THBS4: variants seen among roughly 807,000 people sequenced by gnomAD.
The protein encoded by THBS4 is thrombospondin-4.
THBS4 carries 90 observed loss-of-function variants against 115.7 expected under a neutral mutation model. The ratio of observed to expected loss-of-function variants is 0.78; its 90% CI spans 0.66 to 0.93. The LOEUF is 0.93. Ranked by LOEUF, THBS4 falls within the 40% of genes least tolerant of loss-of-function variation. The pLI is 0.00. For missense variants in THBS4, 1,087 were observed against 1,232.7 expected (o/e 0.88, Z 1.77); for synonymous variants, 460 against 479.3 (o/e 0.96, Z 0.53).
chr5:80,059,478 A>G lies in THBS4; in HGVS notation c.771A>G (p.Glu257=), dbSNP rs1833550533. ...CATTTTTGCGAAACACCATAGCTGAATGCCAGGCTTGCGGTAAGTGCTTTT... is the reference window on the plus strand; with the variant it reads ...CATTTTTGCGAAACACCATAGCTGAGTGCCAGGCTTGCGGTAAGTGCTTTT... The part of the protein sequence containing the change: ...ETSFLRNTIA[E]CQACGPLKFQ... Residue 257 remains glutamate (E), a synonymous_variant, in exon 6 of 22, where the codon GAA becomes GAG. Coordinates refer to ENST00000350881, the MANE Select transcript of THBS4 (RefSeq NM_003248.6). 1.9e-6 allele frequency: 3 copies of G among 1,614,002 alleles called. No homozygotes were observed. The highest frequency in any genetic ancestry group is 1.7e-6 in the Non-Finnish European group (2 of 1,180,028).
At chr5:80,080,103 C>T (rs755462750) in intron 20 of THBS4, 26 bp downstream of exon 20, 38 of 1,605,414 alleles carry the variant, frequency 2.4e-5, no homozygotes, top group Non-Finnish European at 3.0e-5. Context: ...ATCTCCTTAC[C>T]TTGCTCTAGA....
rs1282807484 is a variant in THBS4 at position 80,076,964 on chromosome 5, G to A, written c.2002G>A (p.Asp668Asn). The change falls in exon 16 of 22, where the codon GAC becomes AAC. Residue 668 changes from aspartate (D) to asparagine (N), a missense_variant. Physicochemically the swap from Asp to Asn is conservative, Grantham distance 23 (BLOSUM62 1). Coordinates refer to ENST00000350881, the MANE Select transcript of THBS4 (RefSeq NM_003248.6). ...TGGTGACGAGTGTGATGATGATGATGACAATGATGGTATCCCAGACCTGGT... is the reference window on the plus strand; with the variant it reads ...TGGTGACGAGTGTGATGATGATGATAACAATGATGGTATCCCAGACCTGGT... ...GIGDECDDDD[D>N]NDGIPDLVPP... is the part of the protein sequence containing the mutation. The A allele has an allele frequency of 1.2e-6, 2 of 1,613,674 alleles. No individual in the cohort carries two copies. The highest frequency in any genetic ancestry group is 2.2e-5 in the East Asian group (1 of 44,874).
chr5:80,072,039 C>T, intron 13 of THBS4: 1 of 474,790 alleles, frequency 2.1e-6, no homozygotes, highest in Non-Finnish European at 3.9e-6. Context: ...TGGTTGCTAT[C>T]ATAGCCCTTG....
intron 8 of THBS4, among the ~76,000 whole-genome samples, chr5:80,064,775 A>G (rs955231653): frequency 3.9e-5 from 6 of 152,228 alleles, no homozygotes; most frequent in South Asian, 2.1e-4. Context: ...AGAAAAACAG[A>G]TAAGTTTGTA....
At chr5:80,056,846 A>G (rs956048645) in intron 3 of THBS4, among the ~76,000 whole-genome samples, 6 of 152,234 alleles carry the variant, frequency 3.9e-5, no homozygotes, top group Admixed American at 3.3e-4. Flanking sequence ...AATTCATTAT[A>G]TTAATATATG....
chr5:80,002,090 C>T (rs1831910475), intron 2 of THBS4, among the ~76,000 whole-genome samples: 1 of 151,986 alleles, frequency 6.6e-6, no homozygotes, highest in South Asian at 2.1e-4. Flanking sequence ...TTTTCTAGTC[C>T]CATATTTTAT....
In THBS4 at chr5:80,059,487, T is replaced by C; in HGVS notation, c.780T>C (p.Ala260=). 6.2e-7 allele frequency: 1 copy of C among 1,614,148 alleles called. No individual in the cohort carries two copies. Among genetic ancestry groups the C allele is most frequent in the Non-Finnish European group, 8.5e-7 (1 of 1,180,022 alleles). The change falls in exon 6 of 22, where the codon GCT becomes GCC. Residue 260 remains alanine, a synonymous_variant. Transcript: ENST00000350881. ...FLRNTIAECQ[A]CGPLKFQSPT... is the part of the protein sequence containing the mutation. ...GAAACACCATAGCTGAATGCCAGGCTTGCGGTAAGTGCTTTTCTAGTAATG... is the reference window on the plus strand; with the variant it reads ...GAAACACCATAGCTGAATGCCAGGCCTGCGGTAAGTGCTTTTCTAGTAATG...
chr5:80,031,578 T>G (rs901023671), upstream of THBS4, among the ~76,000 whole-genome samples: 4 of 152,210 alleles, frequency 2.6e-5, no homozygotes, highest in African/African-American at 9.6e-5. Flanking sequence ...CTGAACTCAT[T>G]CATCTGTCAG....
chr5:80,072,634 G>C, intron 14 of THBS4: 1 of 504,620 alleles, frequency 2.0e-6, no homozygotes, highest in South Asian at 3.0e-5. Context: ...TTAGTAACAC[G>C]AACTTCATGA....
intron 2 of THBS4, among the ~76,000 whole-genome samples, chr5:80,018,334 C>T (rs746047870): frequency 3.3e-5 from 5 of 150,490 alleles, no homozygotes; most frequent in Admixed American, 6.6e-5. Flanking sequence ...TTAATTCATA[C>T]ATTGATTTTA....
intron 2 of THBS4, among the ~76,000 whole-genome samples, chr5:79,998,641 A>G (rs764276483): frequency 3.9e-5 from 6 of 152,260 alleles, no homozygotes; most frequent in Non-Finnish European, 8.8e-5. Context: ...CAATAGTTAC[A>G]GTAGATGTTA....
intron 7 of THBS4, 132 bp from the exon 8 acceptor site, chr5:80,061,563 C>T (rs539411320): frequency 1.6e-6 from 2 of 1,268,798 alleles, no homozygotes; most frequent in South Asian, 1.7e-5. Flanking sequence ...AGTTGGAAGC[C>T]TTTATTTCCT....
intron 2 of THBS4, among the ~76,000 whole-genome samples, chr5:80,047,170 T>C (rs367951130): frequency 6.6e-6 from 1 of 152,162 alleles, no homozygotes; most frequent in African/African-American, 2.4e-5. Context: ...GATGCAACTG[T>C]TTATAAAAAG....
chr5:80,012,936 C>T (rs114022357), intron 2 of THBS4, among the ~76,000 whole-genome samples: 1,980 of 152,268 alleles, frequency 0.013, 48 homozygotes, highest in African/African-American at 0.045. Context: ...CTCTCCTGCA[C>T]AGCACTTGAC....
chr5:80,035,419 CG>C lies in THBS4; in HGVS notation c.-116del. 1.8e-6 allele frequency: 1 copy of C among 564,730 alleles called. No individual in the cohort carries two copies. The allele number at this position is 564,730 out of a possible 1,614,324, so 35.0% of individuals were successfully genotyped here. A position where few individuals can be genotyped will look rare whatever the true frequency, so the allele number is the denominator to read the frequency against. ...CCGACGGCAGCCCGGACGCCGAGCA[CG>C]GGTCACCTGCGGCGCCGGCCCGGGC... On this transcript the variant is annotated 5_prime_UTR_variant, in exon 1 of 22. Transcript: ENST00000350881. This position sits in a 1 kb window ranked among gnomAD's most constrained non-coding sequence, Gnocchi z 4.6.
At chr5:80,019,733 G>T in intron 2 of THBS4, 3 of 199,550 alleles carry the variant, frequency 1.5e-5, no homozygotes, top group Non-Finnish European at 3.2e-5. Context: ...TGTGCCATCT[G>T]CAGGAATCAC....
intron 4 of THBS4, 123 bp downstream of exon 4, chr5:80,058,437 G>GA (rs1833506261): frequency 1.4e-6 from 1 of 710,558 alleles, no homozygotes; most frequent in African/African-American, 1.8e-5. Flanking sequence ...ACGTATCTAT[G>GA]AAAATCAGTC....
chr5:80,002,067 C>T (rs1415568264), intron 2 of THBS4, among the ~76,000 whole-genome samples: 1 of 152,094 alleles, frequency 6.6e-6, no homozygotes, highest in Non-Finnish European at 1.5e-5. Context: ...ACTTTGAGTC[C>T]AATGATTAGA....
chr5:80,066,317 C>T (rs942128430), intron 9 of THBS4: 2 of 152,150 alleles, frequency 1.3e-5, no homozygotes, highest in Admixed American at 1.3e-4. Context: ...CCTCTAGGTT[C>T]CTTGTTTCCT....
Sources: gnomAD v4.1 joint callset for allele counts (sites outside exome capture counted in the v4.1 genomes callset) on GRCh38, gnomAD v4.1.1 for gene constraint, Gnocchi (gnomAD v3.1) non-coding constraint, MANE v1.5 for transcripts, NCBI Gene and HGNC (gene_info 2026-07-23, HGNC 2026-07-21) for gene names.